The following ARL15 variants were observed in gnomAD, a reference collection of about 807,000 sequenced individuals.
ARL15 encodes ARF like GTPase 15.
ARL15 carries 19 observed loss-of-function variants against 25.2 expected under a neutral mutation model. The ratio of observed to expected loss-of-function variants is 0.75; its 90% confidence interval spans 0.53 to 1.10. The LOEUF (loss-of-function observed/expected upper bound fraction) is 1.10. ARL15 is among the 50% of genes least tolerant of loss of function. The probability of loss-of-function intolerance (pLI) is 0.00; values close to 1 mark genes in which losing one functional copy is unlikely to be tolerated. For synonymous variants in ARL15, 94 were observed against 86.8 expected (o/e 1.08, Z -0.46); for missense variants, 220 against 246.0 (o/e 0.89, Z 0.71).
Position 54,038,336 on chromosome 5 carries a change from T to C in ARL15, c.462+74866A>G, listed in dbSNP as rs1228199504. On this transcript the variant is annotated intron_variant, in intron 4 of 4. Transcript: ENST00000504924. ...TTAGTACTTAGCAGTCTAGACTAAA[T>C]ATAAGGAGATTTATTTTAAAGTGCA... is the stretch of plus-strand genomic sequence containing the variant. 3.9e-5 allele frequency among the ~76,000 whole-genome samples: 6 copies of C among 152,126 alleles called. 1 individual carries two copies. Among genetic ancestry groups the C allele is most frequent in the African/African-American group, 7.2e-5 (3 of 41,456 alleles).
At chr5:54,163,337 G>T (rs62370442) in intron 2 of ARL15, among the ~76,000 whole-genome samples, 8,914 of 107,370 alleles carry the variant, frequency 0.083, 554 homozygotes, top group Admixed American at 0.16. Context: ...CTGTGTCCAT[G>T]AGGGCTATTG....
intron 1 of ARL15, among the ~76,000 whole-genome samples, chr5:54,205,199 A>G (rs553146586): frequency 6.6e-6 from 1 of 152,244 alleles, no homozygotes; most frequent in East Asian, 1.9e-4. Context: ...GTACTTTCCA[A>G]GCACTTTGGG....
intron 1 of ARL15, among the ~76,000 whole-genome samples, chr5:54,303,579 T>G (rs373678614): frequency 8.2e-6 from 1 of 121,950 alleles, no homozygotes; most frequent in Non-Finnish European, 1.7e-5. Flanking sequence ...AATGTGCCCC[T>G]GAAAGTGACA....
intron 1 of ARL15, among the ~76,000 whole-genome samples, chr5:54,179,686 A>T (rs1311436324): frequency 6.6e-6 from 1 of 151,984 alleles, no homozygotes; most frequent in Non-Finnish European, 1.5e-5. Flanking sequence ...CTTTCATTTA[A>T]CCCTTTTTTG....
intron 3 of ARL15, among the ~76,000 whole-genome samples, chr5:54,145,970 G>A (rs892519823): frequency 5.3e-5 from 8 of 151,826 alleles, no homozygotes; most frequent in African/African-American, 9.7e-5. Flanking sequence ...GTCCCTTTTC[G>A]TAGACTCTTT....
intron 4 of ARL15, among the ~76,000 whole-genome samples, chr5:53,992,426 C>T (rs903544532): frequency 5.3e-5 from 8 of 152,178 alleles, no homozygotes; most frequent in African/African-American, 1.7e-4. Flanking sequence ...CTTCTACACA[C>T]ATCTTATACC....
Position 53,923,781 on chromosome 5 carries a change from C to T in ARL15, c.463-37068G>A, listed in dbSNP as rs189371715. 4.2e-3 allele frequency among the ~76,000 whole-genome samples: 633 copies of T among 152,286 alleles called. 3 individuals are homozygous for T. Among genetic ancestry groups the T allele is most frequent in the African/African-American group, 0.01 (421 of 41,558 alleles). On this transcript the variant is annotated intron_variant, in intron 4 of 4. Coordinates refer to ENST00000504924, the MANE Select transcript of ARL15 (RefSeq NM_019087.3). ...TCGGGAGGCTGAGGCAGGAGAATGG[C>T]ATGAACCCAGGAGGCGGAGTTTGCA...
chr5:53,914,367 C>G (rs2111990371), intron 4 of ARL15, among the ~76,000 whole-genome samples: 1 of 152,226 alleles, frequency 6.6e-6, no homozygotes, highest in African/African-American at 2.4e-5. Flanking sequence ...CCTTAAAGTG[C>G]TTGCTGTCTC....
intron 4 of ARL15, among the ~76,000 whole-genome samples, chr5:54,015,689 T>C (rs1749404758): frequency 6.6e-6 from 1 of 152,196 alleles, no homozygotes; most frequent in Non-Finnish European, 1.5e-5. Context: ...TAAAGAATTA[T>C]GTATATTAGA....
intron 4 of ARL15, among the ~76,000 whole-genome samples, chr5:54,029,306 T>TACCACCACCACCAACACCACCACC (rs1561194917): frequency 1.7e-5 from 2 of 120,020 alleles, no homozygotes; most frequent in East Asian, 2.1e-4. Flanking sequence ...TAAAAACAGT[T>TACCACCACCACCAACACCACCACC]ACCACCACCA....
At chr5:54,110,251 T>C (rs1752702163) in intron 4 of ARL15, among the ~76,000 whole-genome samples, 1 of 152,004 alleles carries the variant, frequency 6.6e-6, no homozygotes, top group African/African-American at 2.4e-5. Context: ...TTATTCTCTT[T>C]GGAGTCCCAC....
intron 4 of ARL15, among the ~76,000 whole-genome samples, chr5:54,066,703 C>T (rs555311526): frequency 6.1e-4 from 93 of 152,142 alleles, no homozygotes; most frequent in Middle Eastern, 3.4e-3. Context: ...CATCCTACAA[C>T]GCATAAAACT....
At position 54,192,465 on chromosome 5, in the gene ARL15, T is replaced by C. The variant is rs536887424; in HGVS notation, c.49-20537A>G. The stretch of plus-strand genomic sequence containing the variant: ...ACAATTGTTTTATTGAATTATTTCC[T>C]AACCTTTTATCATTGGACAGAGGTT... On this transcript the variant is annotated intron_variant, in intron 1 of 4. Transcript: ENST00000504924. 6.6e-5 allele frequency among the ~76,000 whole-genome samples: 10 copies of C among 152,242 alleles called. No homozygotes were observed. The South Asian group carries it at 2.1e-3, about 32-fold the overall frequency.
chr5:54,137,672 C>A (rs1753644943), intron 3 of ARL15, among the ~76,000 whole-genome samples: 1 of 152,078 alleles, frequency 6.6e-6, no homozygotes, highest in South Asian at 2.1e-4. Context: ...ATCTTGTAAC[C>A]ATCATTTCTT....
intron 4 of ARL15, among the ~76,000 whole-genome samples, chr5:54,002,862 T>G (rs1197338856): frequency 6.6e-6 from 1 of 152,216 alleles, no homozygotes; most frequent in Non-Finnish European, 1.5e-5. Flanking sequence ...TGTGTATCTC[T>G]GTCATTTCAG....
intron 1 of ARL15, among the ~76,000 whole-genome samples, chr5:54,258,455 A>G (rs1757422238): frequency 6.6e-6 from 1 of 152,232 alleles, no homozygotes. Flanking sequence ...AGAGATTCAT[A>G]GAGAAAAATC....
At chr5:54,035,450 G>A (rs2111916837) in intron 4 of ARL15, among the ~76,000 whole-genome samples, 1 of 152,296 alleles carries the variant, frequency 6.6e-6, no homozygotes, top group South Asian at 2.1e-4. Context: ...CTTAGGCAGT[G>A]TCAAAATTAA....
At chr5:54,263,070 A>G (rs1757535065) in intron 1 of ARL15, among the ~76,000 whole-genome samples, 1 of 152,212 alleles carries the variant, frequency 6.6e-6, no homozygotes, top group Admixed American at 6.5e-5. Flanking sequence ...ATGTTAAGGC[A>G]GAGACTGCAA....
chr5:54,299,086 A>T (rs1278973986), intron 1 of ARL15, among the ~76,000 whole-genome samples: 1 of 151,802 alleles, frequency 6.6e-6, no homozygotes, highest in Non-Finnish European at 1.5e-5. Flanking sequence ...TTTTTTGTAG[A>T]GACAGGGGTC....
Sources: allele counts gnomAD v4.1 joint callset (sites outside exome capture counted in the v4.1 genomes callset), GRCh38; gene constraint gnomAD v4.1.1; transcripts MANE v1.5; gene names NCBI Gene and HGNC (gene_info 2026-07-23, HGNC 2026-07-21).